The following CDH12 variants were observed in gnomAD, a reference collection of about 807,000 sequenced individuals.
CDH12 encodes the protein cadherin-12.
Under a neutral mutation model 74.1 loss-of-function variants are expected in CDH12, and 41 were observed. The ratio of observed to expected loss-of-function variants is 0.55; its 90% CI spans 0.43 to 0.72. The LOEUF (loss-of-function observed/expected upper bound fraction) is 0.72. CDH12 is among the 30% of genes least tolerant of loss of function. The probability of loss-of-function intolerance (pLI) is 0.00; values close to 1 mark genes in which losing one functional copy is unlikely to be tolerated. For synonymous variants in CDH12, 399 were observed against 355.0 expected (o/e 1.12, Z -1.39); for missense variants, 945 against 977.2 (o/e 0.97, Z 0.44).
chr5:22,594,649 T>C (rs1349758596), intron 1 of CDH12, among the ~76,000 whole-genome samples: 1 of 152,132 alleles, frequency 6.6e-6, no homozygotes, highest in Non-Finnish European at 1.5e-5. Flanking sequence ...ACAGCTGAAC[T>C]AGCGCAAGAA....
chr5:22,702,672 T>C (rs1356163107), intron 1 of CDH12, among the ~76,000 whole-genome samples: 1 of 152,084 alleles, frequency 6.6e-6, no homozygotes, highest in Non-Finnish European at 1.5e-5. Context: ...TCTTCCCATC[T>C]AGTCTATCAA....
intron 1 of CDH12, among the ~76,000 whole-genome samples, chr5:22,517,734 C>A (rs1035855736): frequency 7.2e-5 from 11 of 152,108 alleles, no homozygotes; most frequent in African/African-American, 2.4e-4. Context: ...TTATTTTTTC[C>A]TAATCTAGTC....
intron 3 of CDH12, among the ~76,000 whole-genome samples, chr5:22,270,594 CAA>C (rs533235770): frequency 4.7e-5 from 6 of 127,760 alleles, no homozygotes; most frequent in East Asian, 2.2e-4. Flanking sequence ...GACACCGTCT[CAA>C]AAAAAAAAAT....
chr5:22,442,391 G>T (rs1445900871), intron 2 of CDH12, among the ~76,000 whole-genome samples: 2 of 152,102 alleles, frequency 1.3e-5, no homozygotes, highest in Admixed American at 6.6e-5. Context: ...TGTAGTCCCA[G>T]CTACTCAAGT....
chr5:22,243,621 T>C (rs1752822276), intron 3 of CDH12, among the ~76,000 whole-genome samples: 1 of 152,152 alleles, frequency 6.6e-6, no homozygotes, highest in African/African-American at 2.4e-5. Context: ...AAATAGCAAA[T>C]TAGATGCTTT....
chr5:22,045,900 AT>A (rs1739916530), intron 5 of CDH12, among the ~76,000 whole-genome samples: 1 of 152,182 alleles, frequency 6.6e-6, no homozygotes, highest in African/African-American at 2.4e-5. Context: ...ATATTAAAAA[AT>A]GATGTATTAT....
intron 3 of CDH12, among the ~76,000 whole-genome samples, chr5:22,370,580 G>A (rs1482746603): frequency 6.6e-6 from 1 of 152,030 alleles, no homozygotes; most frequent in African/African-American, 2.4e-5. Context: ...ACATCTTTGA[G>A]TATTTTCCTA....
At position 21,888,596 on chromosome 5, in the gene CDH12, T is replaced by TA. The variant is rs34584548; in HGVS notation, c.527-33807dup. On this transcript the variant is annotated intron_variant, in intron 6 of 14. Coordinates refer to ENST00000382254, the MANE Select transcript of CDH12 (RefSeq NM_004061.5). ...CCTAGAACTTAAAGTATAATAATAA[T>TA]AAAAAAAAGAAGTAACATATCTTCA... 5.9e-5 allele frequency among the ~76,000 whole-genome samples: 9 copies of TA among 151,742 alleles called. 1 individual carries two copies. Among genetic ancestry groups the TA allele is most frequent in the Admixed American group, 4.6e-4 (7 of 15,216 alleles).
intron 1 of CDH12, among the ~76,000 whole-genome samples, chr5:22,705,376 C>T (rs1258607516): frequency 1.3e-5 from 2 of 151,820 alleles, no homozygotes; most frequent in Non-Finnish European, 2.9e-5. Flanking sequence ...TGTCATCTAA[C>T]CCTCAGCTCC....
intron 3 of CDH12, among the ~76,000 whole-genome samples, chr5:22,332,382 C>A (rs1322707786): frequency 2.0e-5 from 3 of 152,076 alleles, no homozygotes. Flanking sequence ...AGAAATAATA[C>A]TTTTACCCTA....
At chr5:22,414,973 A>G (rs1383920012) in intron 2 of CDH12, among the ~76,000 whole-genome samples, 2 of 152,126 alleles carry the variant, frequency 1.3e-5, no homozygotes, top group Non-Finnish European at 2.9e-5. Context: ...TAGTAGACAA[A>G]ACTTAGATGA....
At chr5:21,873,400 T>G (rs1751751200) in intron 6 of CDH12, among the ~76,000 whole-genome samples, 1 of 152,132 alleles carries the variant, frequency 6.6e-6, no homozygotes, top group African/African-American at 2.4e-5. Context: ...TCTAGAAAAT[T>G]CTCTTGTACC....
At chr5:22,670,441 T>G (rs1342450107) in intron 1 of CDH12, among the ~76,000 whole-genome samples, 1 of 152,212 alleles carries the variant, frequency 6.6e-6, no homozygotes, top group Non-Finnish European at 1.5e-5. Flanking sequence ...CTCTACCACC[T>G]GCAGATAACC....
chr5:22,512,207 A>G (rs563353277), intron 1 of CDH12, among the ~76,000 whole-genome samples: 7 of 152,320 alleles, frequency 4.6e-5, no homozygotes, highest in African/African-American at 1.7e-4. Context: ...ACAAAAGACT[A>G]TATTAAGTGA....
intron 2 of CDH12, among the ~76,000 whole-genome samples, chr5:22,493,577 ATT>A (rs5866569): frequency 3.3e-5 from 5 of 150,920 alleles, no homozygotes; most frequent in Admixed American, 6.6e-5. Flanking sequence ...TTTTTGAAAA[ATT>A]TTTTTTTTTG....
chr5:22,510,856 A>G (rs1736574098), intron 1 of CDH12, among the ~76,000 whole-genome samples: 1 of 152,058 alleles, frequency 6.6e-6, no homozygotes, highest in South Asian at 2.1e-4. Context: ...TTTCAGATGC[A>G]TGAAAGAGAA....
chr5:22,686,574 C>G lies in CDH12; in HGVS notation c.-523+166484G>C, dbSNP rs187480869. Among the ~76,000 whole-genome samples the G allele has an allele frequency of 3.9e-5, 6 of 152,030 alleles. No individual in the cohort carries two copies. In the East Asian group the frequency reaches 1.2e-3, roughly 29 times the overall value. On this transcript the variant is annotated intron_variant, in intron 1 of 14. Coordinates refer to ENST00000382254, the MANE Select transcript of CDH12 (RefSeq NM_004061.5). ...TGAATATTATGAGGAAGGAGTGCAACTTCATATTTTACATGTGGATATCCA... is the reference window on the plus strand; with the variant it reads ...TGAATATTATGAGGAAGGAGTGCAAGTTCATATTTTACATGTGGATATCCA...
chr5:22,291,227 T>C (rs1459321749), intron 3 of CDH12, among the ~76,000 whole-genome samples: 1 of 152,116 alleles, frequency 6.6e-6, no homozygotes, highest in East Asian at 1.9e-4. Context: ...CTCAACATAA[T>C]AAAGACTGTA....
Position 21,984,721 on chromosome 5 carries a change from A to G in CDH12, c.232-9336T>C, listed in dbSNP as rs1187488576. 3.9e-5 allele frequency among the ~76,000 whole-genome samples: 6 copies of G among 152,324 alleles called. No individual in the cohort carries two copies. The East Asian group carries it at 1.2e-3, about 29-fold the overall frequency. ...TTTGGGAGGTACACCATTTCCCTGTACCAAAATCATATTAAGTAAAACTTG... is the reference window on the plus strand; with the variant it reads ...TTTGGGAGGTACACCATTTCCCTGTGCCAAAATCATATTAAGTAAAACTTG... On this transcript the variant is annotated intron_variant, in intron 5 of 14. Coordinates refer to ENST00000382254, the MANE Select transcript of CDH12 (RefSeq NM_004061.5).
Sources: allele counts gnomAD v4.1 joint callset (sites outside exome capture counted in the v4.1 genomes callset), GRCh38; gene constraint gnomAD v4.1.1; transcripts MANE v1.5; gene names NCBI Gene and HGNC (gene_info 2026-07-23, HGNC 2026-07-21).